ZBTB38: variants seen among roughly 807,000 people sequenced by gnomAD.
ZBTB38 encodes the protein zinc finger and BTB domain containing 38, also known as zinc finger and BTB domain-containing protein 38.
A neutral mutation model predicts 76.8 loss-of-function variants in ZBTB38; 20 were observed. The ratio of observed to expected loss-of-function variants is 0.26; its 90% CI spans 0.18 to 0.38. The LOEUF is 0.38. Ranked by LOEUF, ZBTB38 falls within the 10% of genes least tolerant of loss-of-function variation. ZBTB38 has a pLI of 1.00. For missense variants in ZBTB38, 1,082 were observed against 1,482.3 expected (o/e 0.73, Z 4.43); for synonymous variants, 504 against 544.2 (o/e 0.93, Z 1.03).
chr3:141,330,122 T>TGG (rs1942803342), intron 1 of ZBTB38, among the ~76,000 whole-genome samples: 1 of 152,190 alleles, frequency 6.6e-6, no homozygotes, highest in Admixed American at 6.5e-5. Flanking sequence ...AGGAGGTTCT[T>TGG]TGAAGAGTTC....
chr3:141,371,556 T>A (rs1205439136), intron 2 of ZBTB38, among the ~76,000 whole-genome samples: 3 of 151,680 alleles, frequency 2.0e-5, no homozygotes, highest in Non-Finnish European at 4.4e-5. Context: ...CCCAGGCTGG[T>A]CTTGAACTCC....
intron 4 of ZBTB38, among the ~76,000 whole-genome samples, chr3:141,400,053 ACAT>A (rs1432150359): frequency 1.3e-5 from 2 of 148,940 alleles, no homozygotes; most frequent in Non-Finnish European, 3.0e-5. Context: ...TAGAGGAAAC[ACAT>A]CATGTTTAGT....
chr3:141,357,962 AG>A (rs1173074385), intron 1 of ZBTB38, among the ~76,000 whole-genome samples: 1 of 152,218 alleles, frequency 6.6e-6, no homozygotes, highest in African/African-American at 2.4e-5. Context: ...GAACTCTGTG[AG>A]AGAGGAAAAG....
chr3:141,424,781 G>T (rs1038138909), intron 5 of ZBTB38, among the ~76,000 whole-genome samples: 1 of 152,188 alleles, frequency 6.6e-6, no homozygotes, highest in Admixed American at 6.5e-5. Flanking sequence ...GACACACAGT[G>T]AAATAGGATA....
At chr3:141,355,808 G>A (rs1943642220) in intron 1 of ZBTB38, among the ~76,000 whole-genome samples, 1 of 152,116 alleles carries the variant, frequency 6.6e-6, no homozygotes, top group Admixed American at 6.5e-5. Context: ...TTCTTAATCA[G>A]TCTGGATTTC....
chr3:141,389,449 C>CTTTTTTT (rs34802212), intron 4 of ZBTB38: 1 of 123,818 alleles, frequency 8.1e-6, no homozygotes. Flanking sequence ...CCTGCAACAC[C>CTTTTTTT]TTTTTTTTTT....
chr3:141,448,721 G>T lies in ZBTB38; in HGVS notation c.*2745G>T, dbSNP rs535735921. ...TCCTACATTAAGTCTCTTTTTAAAT[G>T]TTTTCATGTTATTTCTTTTGTGCAG... On this transcript the variant is annotated 3_prime_UTR_variant, in exon 6 of 6. Transcript: ENST00000321464. 7.9e-5 allele frequency: 12 copies of T among 152,230 alleles called. No individual in the cohort carries two copies. The highest frequency in any genetic ancestry group is 2.6e-4 in the African/African-American group (11 of 41,552). The allele number at this position is 152,230 out of a possible 1,614,324, so 9.4% of individuals were successfully genotyped here.
chr3:141,350,607 T>C (rs1943488251), intron 1 of ZBTB38, among the ~76,000 whole-genome samples: 1 of 152,260 alleles, frequency 6.6e-6, no homozygotes, highest in African/African-American at 2.4e-5. Context: ...CTTGGTTTGC[T>C]GAAACAGATC....
chr3:141,333,249 C>T (rs945686537), intron 1 of ZBTB38, among the ~76,000 whole-genome samples: 23 of 152,146 alleles, frequency 1.5e-4, no homozygotes, highest in African/African-American at 5.6e-4. Flanking sequence ...TAATAGGGGA[C>T]TGGGGTTGGT....
At chr3:141,434,321 C>A (rs942082667) in intron 5 of ZBTB38, 2 of 565,700 alleles carry the variant, frequency 3.5e-6, no homozygotes, top group Non-Finnish European at 4.4e-6. Flanking sequence ...TTTATTCAGG[C>A]AGAATGTAGA....
chr3:141,409,140 G>A (rs1020050656), intron 5 of ZBTB38, among the ~76,000 whole-genome samples: 2 of 152,080 alleles, frequency 1.3e-5, no homozygotes, highest in African/African-American at 2.4e-5. Flanking sequence ...TTGCCTCCCG[G>A]GTTCAAGTGA....
chr3:141,351,721 TAAAAAA>T (rs11367112), intron 1 of ZBTB38, among the ~76,000 whole-genome samples: 3 of 123,158 alleles, frequency 2.4e-5, no homozygotes, highest in African/African-American at 8.8e-5. Context: ...CTCTGTCTCT[TAAAAAA>T]AAAAAAAAAA....
chr3:141,360,916 A>G (rs964104867), intron 1 of ZBTB38, among the ~76,000 whole-genome samples: 2 of 152,190 alleles, frequency 1.3e-5, no homozygotes, highest in African/African-American at 4.8e-5. Flanking sequence ...TCTCATCAAT[A>G]AAAGGAAGCA....
chr3:141,365,054 T>G (rs1306104319), upstream of ZBTB38, among the ~76,000 whole-genome samples: 1 of 151,938 alleles, frequency 6.6e-6, no homozygotes, highest in Non-Finnish European at 1.5e-5. Context: ...CCAAGAGACA[T>G]GAATGCATGT....
chr3:141,399,161 A>G (rs186870513), intron 4 of ZBTB38, among the ~76,000 whole-genome samples: 2 of 150,188 alleles, frequency 1.3e-5, no homozygotes, highest in Admixed American at 1.3e-4. Context: ...CATTTCATAG[A>G]TTTTATATAA....
chr3:141,392,100 G>A (rs754673435), intron 4 of ZBTB38, among the ~76,000 whole-genome samples: 35 of 152,194 alleles, frequency 2.3e-4, no homozygotes, highest in Non-Finnish European at 3.5e-4. Context: ...CAGAAGCACC[G>A]TCTAAAATTG....
At chr3:141,358,771 T>C (rs1943736072) in intron 1 of ZBTB38, among the ~76,000 whole-genome samples, 1 of 152,238 alleles carries the variant, frequency 6.6e-6, no homozygotes, top group Non-Finnish European at 1.5e-5. Context: ...ATCTATTTTC[T>C]GCCCCTATAG....
chr3:141,326,603 C>A (rs1377697662), intron 1 of ZBTB38, among the ~76,000 whole-genome samples: 1 of 152,132 alleles, frequency 6.6e-6, no homozygotes, highest in African/African-American at 2.4e-5. Context: ...AAATAATAAT[C>A]CTCTTTTCTA....
chr3:141,447,458 A>G lies in ZBTB38; in HGVS notation c.*1482A>G, dbSNP rs1444503334. 1 of 152,576 alleles carries G rather than the reference A, an allele frequency of 6.6e-6. No homozygotes were observed. Among genetic ancestry groups the G allele is most frequent in the Non-Finnish European group, 1.5e-5 (1 of 68,032 alleles). The allele number at this position is 152,576 out of a possible 1,614,324, so 9.5% of individuals were successfully genotyped here. On this transcript the variant is annotated 3_prime_UTR_variant, in exon 6 of 6. Transcript: ENST00000321464. ...CTACCCTCAAATCTAATTGCCCTAC[A>G]GCATATTCTATCATGTGGACTAGGT...
Sources: gnomAD v4.1 joint callset for allele counts (sites outside exome capture counted in the v4.1 genomes callset) on GRCh38, gnomAD v4.1.1 for gene constraint, MANE v1.5 for transcripts, NCBI Gene and HGNC (gene_info 2026-07-23, HGNC 2026-07-21) for gene names.